The following GPM6A variants were observed in gnomAD, a reference collection of about 807,000 sequenced individuals.
The protein encoded by GPM6A is neuronal membrane glycoprotein M6-a.
A neutral mutation model predicts 32.1 loss-of-function variants in GPM6A; 7 were observed. That is an observed-to-expected ratio of 0.22 (90% confidence interval 0.12 to 0.41). The LOEUF (loss-of-function observed/expected upper bound fraction) is 0.41. Ranked by LOEUF, GPM6A falls within the 10% of genes least tolerant of loss-of-function variation. The pLI is 1.00. For missense variants in GPM6A, 235 were observed against 347.2 expected, an observed-to-expected ratio of 0.68 and a Z score of 2.57; for synonymous variants, 130 against 123.4, an observed-to-expected ratio of 1.05 and a Z score of -0.35.
intron 1 of GPM6A, among the ~76,000 whole-genome samples, chr4:175,973,592 T>G (rs539842534): frequency 6.6e-6 from 1 of 152,258 alleles, no homozygotes; most frequent in East Asian, 1.9e-4. Flanking sequence ...CCAAACCACA[T>G]CATGACTATC....
chr4:175,950,674 T>C (rs1469954765), intron 1 of GPM6A, among the ~76,000 whole-genome samples: 1 of 152,136 alleles, frequency 6.6e-6, no homozygotes. Flanking sequence ...TGTGCCTGAG[T>C]GTGCTGGCAG....
At chr4:175,822,651 C>CTTT (rs11446115) in intron 1 of GPM6A, among the ~76,000 whole-genome samples, 12 of 148,082 alleles carry the variant, frequency 8.1e-5, no homozygotes, top group Non-Finnish European at 1.4e-4. Flanking sequence ...TCTTTTCATG[C>CTTT]TTTTTTTTTT....
upstream of GPM6A, chr4:175,812,428 C>T (rs887935022): frequency 7.7e-6 from 10 of 1,291,376 alleles, no homozygotes; most frequent in Admixed American, 4.2e-4. Context: ...TGGAGACAGG[C>T]TGTCAAGTGT....
intron 1 of GPM6A, among the ~76,000 whole-genome samples, chr4:175,779,920 A>T (rs1413242180): frequency 6.6e-6 from 1 of 152,158 alleles, no homozygotes; most frequent in Non-Finnish European, 1.5e-5. Flanking sequence ...GATAATACAC[A>T]TGTATTCATT....
intron 1 of GPM6A, among the ~76,000 whole-genome samples, chr4:175,722,824 G>A (rs568468565): frequency 1.1e-3 from 169 of 151,944 alleles, no homozygotes; most frequent in Non-Finnish European, 2.0e-3. Context: ...CGGGCGAATC[G>A]CTTGAGCCCA....
At chr4:175,965,198 T>C (rs1249201115) in intron 1 of GPM6A, among the ~76,000 whole-genome samples, 3 of 152,054 alleles carry the variant, frequency 2.0e-5, no homozygotes, top group African/African-American at 7.2e-5. Flanking sequence ...TTTAAAAGAA[T>C]AGAAAGCAAA....
intron 1 of GPM6A, among the ~76,000 whole-genome samples, chr4:175,902,200 T>A (rs1737990414): frequency 6.6e-6 from 1 of 152,148 alleles, no homozygotes; most frequent in Non-Finnish European, 1.5e-5. Flanking sequence ...ACAACCTGGA[T>A]GCCTTTCATA....
chr4:175,897,683 G>T (rs1423260098), intron 1 of GPM6A, among the ~76,000 whole-genome samples: 1 of 152,112 alleles, frequency 6.6e-6, no homozygotes, highest in Admixed American at 6.5e-5. Flanking sequence ...ATGCACTTGA[G>T]AACTTAAGAA....
At chr4:175,714,862 C>T (rs1210235636) in intron 1 of GPM6A, among the ~76,000 whole-genome samples, 1 of 151,554 alleles carries the variant, frequency 6.6e-6, no homozygotes, top group African/African-American at 2.4e-5. Flanking sequence ...AAACTTGTTC[C>T]CTAAGGCAGA....
At chr4:175,903,316 G>GATAA (rs1327720032) in intron 1 of GPM6A, among the ~76,000 whole-genome samples, 2 of 151,722 alleles carry the variant, frequency 1.3e-5, no homozygotes, top group African/African-American at 4.8e-5. Context: ...TAAATTAATA[G>GATAA]ATAAATAAAT....
At chr4:175,986,046 TG>T (rs1740964459) in intron 1 of GPM6A, among the ~76,000 whole-genome samples, 1 of 151,514 alleles carries the variant, frequency 6.6e-6, no homozygotes, top group Admixed American at 6.6e-5. Flanking sequence ...CCTTGCGATC[TG>T]CCCCCCTCAG....
chr4:175,994,283 G>A (rs937758280), intron 1 of GPM6A, among the ~76,000 whole-genome samples: 1 of 152,198 alleles, frequency 6.6e-6, no homozygotes, highest in Non-Finnish European at 1.5e-5. Context: ...GTTTAGTAGT[G>A]AAATGAAACA....
chr4:175,976,773 G>C (rs1246804531), intron 1 of GPM6A, among the ~76,000 whole-genome samples: 1 of 152,060 alleles, frequency 6.6e-6, no homozygotes, highest in Admixed American at 6.6e-5. Flanking sequence ...TCATTGTAAC[G>C]GTACAAGTGA....
intron 2 of GPM6A, among the ~76,000 whole-genome samples, chr4:175,696,683 G>A (rs2111051162): frequency 6.6e-6 from 1 of 152,268 alleles, no homozygotes; most frequent in Non-Finnish European, 1.5e-5. Context: ...CAGCAATTAG[G>A]TTTAATTGTC....
At chr4:176,001,117 A>G (rs1741462649) in intron 1 of GPM6A, among the ~76,000 whole-genome samples, 1 of 152,170 alleles carries the variant, frequency 6.6e-6, no homozygotes, top group South Asian at 2.1e-4. Context: ...TACTGTCTAT[A>G]AACTCCAGAA....
At chr4:175,925,279 C>A (rs1273324834) in intron 1 of GPM6A, among the ~76,000 whole-genome samples, 1 of 152,158 alleles carries the variant, frequency 6.6e-6, no homozygotes, top group East Asian at 1.9e-4. Flanking sequence ...CATCAAGTGC[C>A]TGACTTCTAG....
chr4:175,723,503 CA>C (rs1234255450), intron 1 of GPM6A, among the ~76,000 whole-genome samples: 2 of 152,072 alleles, frequency 1.3e-5, no homozygotes, highest in Non-Finnish European at 2.9e-5. Context: ...GAAAATTCAA[CA>C]GATGCTATAA....
intron 1 of GPM6A, among the ~76,000 whole-genome samples, chr4:175,779,537 A>G (rs1428600264): frequency 1.3e-5 from 2 of 152,134 alleles, no homozygotes; most frequent in Admixed American, 1.3e-4. Context: ...CCTTCTTGGT[A>G]CTGTTCTACC....
At chr4:175,804,052 T>C (rs1439102314) in intron 1 of GPM6A, among the ~76,000 whole-genome samples, 4 of 152,182 alleles carry the variant, frequency 2.6e-5, no homozygotes, top group Non-Finnish European at 4.4e-5. Context: ...GGTAATACAT[T>C]GGTACTATTT....
Sources: allele counts gnomAD v4.1 joint callset (sites outside exome capture counted in the v4.1 genomes callset), GRCh38; gene constraint gnomAD v4.1.1; transcripts MANE v1.5; gene names NCBI Gene and HGNC (gene_info 2026-07-23, HGNC 2026-07-21).